Variants in CARMIL2 observed in about 807,000 individuals in gnomAD.
CARMIL2 encodes capping protein regulator and myosin 1 linker 2.
Under a neutral mutation model 173.3 loss-of-function variants are expected in CARMIL2, and 96 were observed. That is an observed-to-expected ratio of 0.55 (90% confidence interval 0.47 to 0.66). CARMIL2 has a LOEUF of 0.66. CARMIL2 is among the 30% of genes least tolerant of loss of function. The pLI is 0.00. For missense variants in CARMIL2, 1,771 were observed against 1,906.7 expected (o/e 0.93, Z 1.33); for synonymous variants, 830 against 817.1 (o/e 1.02, Z -0.27).
At position 67,651,265 on chromosome 16, in the gene CARMIL2, G is replaced by T. The variant is rs372182646; in HGVS notation, c.2263G>T (p.Ala755Ser). ...GCGAGPQGEA[A>S]VRQAEDAIQN... The stretch of plus-strand genomic sequence containing the variant: ...TGGGGCTGGGCCCCAGGGTGAAGCC[G>T]CTGTGCGCCAGGCCGAGGATGCCAT... The change falls in exon 23 of 38, where the codon GCT (alanine) becomes TCT (serine). Residue 755 changes from alanine (A) to serine (S), a missense_variant. Ala to Ser is a moderately conservative substitution (Grantham distance 99). Coordinates refer to ENST00000334583, the MANE Select transcript of CARMIL2 (RefSeq NM_001013838.3). This position sits in a 1 kb window ranked among gnomAD's most constrained non-coding sequence, Gnocchi z 4.2. 6.2e-7 allele frequency: 1 copy of T among 1,613,532 alleles called. No individual in the cohort carries two copies. The highest frequency in any genetic ancestry group is 1.7e-5 in the Admixed American group (1 of 60,016).
rs772901266 is a variant in CARMIL2 at position 67,653,006 on chromosome 16, G to C, written c.2885-13G>C. 8.3e-4 allele frequency: 1,047 copies of C among 1,259,488 alleles called. 3 individuals carry two copies. The highest frequency in any genetic ancestry group is 8.0e-3 in the Middle Eastern group (25 of 3,112). 78.0% of individuals were successfully genotyped at this position (1,259,488 alleles called of 1,614,324 possible). On this transcript the variant is annotated splice_polypyrimidine_tract_variant and intron_variant, in intron 28 of 37. Transcript: ENST00000334583. This position sits in a 1 kb window ranked among gnomAD's most constrained non-coding sequence, Gnocchi z 7.4. ...GCTCGGCGCTCGGTGCTCTTCTGGT[G>C]CTGTCCCCTCAGGTGCTGCTGAGGA...
In CARMIL2 at chr16:67,651,322, A is replaced by G. The variant is rs375266253; in HGVS notation, c.2313+7A>G. On this transcript the variant is annotated splice_region_variant and intron_variant, in intron 23 of 37. Coordinates refer to ENST00000334583, the MANE Select transcript of CARMIL2 (RefSeq NM_001013838.3). This position sits in a 1 kb window ranked among gnomAD's most constrained non-coding sequence, Gnocchi z 4.2. ...TGCCAACTTCTCTCTCAGCGTGAGC[A>G]CTCCCCCTCCTGCTACAAGGACCCT... is the stretch of plus-strand genomic sequence containing the variant. The G allele has an allele frequency of 5.6e-5, 91 of 1,612,238 alleles. No homozygotes were observed. The highest frequency in any genetic ancestry group is 1.6e-4 in the Middle Eastern group (1 of 6,078).
rs755957008 is a variant in CARMIL2 at position 67,646,973 on chromosome 16, G to A, written c.611G>A (p.Arg204Gln). The part of the protein sequence containing the change: ...SLGDFSHLGS[R>Q]DLALSVAALS... ...GGAGACTTCAGCCACCTCGGCAGTC[G>A]GTGTGTGGCCTGCCAGGATGGGAGA... Residue 204 changes from arginine (R) to glutamine (Q), a missense_variant and splice_region_variant, in exon 8 of 38, where the codon CGG (arginine) becomes CAG (glutamine). Physicochemically the swap from Arg to Gln is conservative, Grantham distance 43 (BLOSUM62 1). Around this residue, in one of 3 missense-constraint regions of CARMIL2, gnomAD observed 944 missense variants for 975.6 expected, o/e 0.97. Transcript: ENST00000334583. The surrounding 1 kb of genome is among the most constrained non-coding windows in gnomAD (Gnocchi z 4.6). 8 of 1,612,858 alleles carry A rather than the reference G, an allele frequency of 5.0e-6. No individual in the cohort carries two copies. The highest frequency in any genetic ancestry group is 2.7e-5 in the African/African-American group (2 of 74,928).
At position 67,652,511 on chromosome 16, in the gene CARMIL2, G is replaced by A. The variant is rs772703231; in HGVS notation, c.2857G>A (p.Gly953Ser). ...ACAGAAATGGCCTGAGCTCAGCCAC[G>A]GTCTTCACCTGGTCCCCTTCATTCA... The part of the protein sequence containing the change: ...PPQKWPELSH[G>S]LHLVPFIHSA... Residue 953 changes from glycine to serine, a missense_variant, in exon 28 of 38, where the codon GGT becomes AGT. Gly to Ser is a moderately conservative substitution (Grantham distance 56, BLOSUM62 0). Coordinates refer to ENST00000334583, the MANE Select transcript of CARMIL2 (RefSeq NM_001013838.3). The surrounding 1 kb of genome is among the most constrained non-coding windows in gnomAD (Gnocchi z 4.7). 2.5e-5 allele frequency: 41 copies of A among 1,613,444 alleles called. No homozygotes were observed. Among genetic ancestry groups the A allele is most frequent in the Non-Finnish European group, 1.0e-5 (12 of 1,179,796 alleles).
Position 67,650,056 on chromosome 16 carries a change from C to G in CARMIL2, c.2090C>G (p.Ala697Gly). 1 of 1,613,860 alleles carries G rather than the reference C, an allele frequency of 6.2e-7. No homozygotes were observed. Among genetic ancestry groups the G allele is most frequent in the South Asian group, 1.1e-5 (1 of 91,070 alleles). The change falls in exon 22 of 38, where the codon GCC (alanine) becomes GGC (glycine). Residue 697 changes from alanine (A) to glycine (G), a missense_variant. Physicochemically the swap from Ala to Gly is moderately conservative, Grantham distance 60 (BLOSUM62 0). This residue lies in a region of CARMIL2 where 944 missense variants were observed against 975.6 expected (regional missense o/e 0.97). Coordinates refer to ENST00000334583, the MANE Select transcript of CARMIL2 (RefSeq NM_001013838.3). ...AATACCCCTTGCCCCTAGATCCAAGCCTGTCTCTTGAGGAACAACCGCGCA... is the reference window on the plus strand; with the variant it reads ...AATACCCCTTGCCCCTAGATCCAAGGCTGTCTCTTGAGGAACAACCGCGCA... ...LTARAVHQIQ[A>G]CLLRNNRADP...
rs1428173298 is a variant in CARMIL2, at chr16:67,647,568, G to A, written c.837G>A (p.Glu279=). 1.2e-6 allele frequency: 2 copies of A among 1,610,994 alleles called. No homozygotes were observed. Among genetic ancestry groups the A allele is most frequent in the South Asian group, 2.2e-5 (2 of 90,492 alleles). The change falls in exon 11 of 38, where the codon GAG becomes GAA. Residue 279 remains glutamate (E), a synonymous_variant. Transcript: ENST00000334583. ...LAGHSSSGLR[E]LSLAGNLLDD... ...GACACTCAAGCTCTGGGCTGCGGGAGCTCAGCCTCGCGGGGAACCTGCTGG... is the reference window on the plus strand; with the variant it reads ...GACACTCAAGCTCTGGGCTGCGGGAACTCAGCCTCGCGGGGAACCTGCTGG...
At chr16:67,654,090 G>T (rs868437447) in intron 29 of CARMIL2, 59 bp from the exon 30 acceptor site, 44 of 1,105,328 alleles carry the variant, frequency 4.0e-5, no homozygotes, top group Admixed American at 9.3e-5. Flanking sequence ...CGGGGGGGGG[G>T]GGGGGTAGAA....
Position 67,649,582 on chromosome 16 carries a change from T to C in CARMIL2, c.1882T>C (p.Leu628=). 1 of 1,601,180 alleles carries C rather than the reference T, an allele frequency of 6.2e-7. No homozygotes were observed. Among genetic ancestry groups the C allele is most frequent in the South Asian group, 1.1e-5 (1 of 91,046 alleles). The change falls in exon 20 of 38, where the codon TTG becomes CTG. Residue 628 remains leucine (L), a synonymous_variant. Transcript: ENST00000334583. The surrounding 1 kb of genome is among the most constrained non-coding windows in gnomAD (Gnocchi z 6.7). The part of the protein sequence containing the change: ...GNAMGDAGAK[L]LAKALRVNSR... ...CGCCATGGGGGACGCGGGCGCCAAG[T>C]TGCTGGCCAAGGCGCTGCGGGTCAA...
In CARMIL2 at chr16:67,646,681, C is replaced by T. The variant is rs1188882098; in HGVS notation, c.467-33C>T. On this transcript the variant is annotated intron_variant, in intron 6 of 37. Transcript: ENST00000334583. The surrounding 1 kb of genome is among the most constrained non-coding windows in gnomAD (Gnocchi z 4.6). ...CCATCGCTGATGTTTTGTCTCTCTC[C>T]TTTTCCACATCGCACCCCTATCCCC... The T allele has an allele frequency of 1.2e-6, 2 of 1,610,636 alleles. No individual in the cohort carries two copies. Among genetic ancestry groups the T allele is most frequent in the East Asian group, 4.5e-5 (2 of 44,884 alleles).
rs775628676 is a variant in CARMIL2, at chr16:67,650,161, C to T, written c.2184+11C>T. 6.2e-7 allele frequency: 1 copy of T among 1,603,156 alleles called. No homozygotes were observed. Among genetic ancestry groups the T allele is most frequent in the Non-Finnish European group, 8.5e-7 (1 of 1,175,046 alleles). The stretch of plus-strand genomic sequence containing the variant: ...GACCCCTCAGAGCAGGTCAATGTCC[C>T]CTCCCCAACCACGAGAGGTAGGGCA... On this transcript the variant is annotated intron_variant, in intron 22 of 37. Transcript: ENST00000334583.
chr16:67,646,266 C>T lies in CARMIL2; in HGVS notation c.330C>T (p.His110=), dbSNP rs369216701. The T allele has an allele frequency of 3.7e-5, 60 of 1,613,600 alleles. No individual in the cohort carries two copies. Among genetic ancestry groups the T allele is most frequent in the East Asian group, 4.5e-5 (2 of 44,886 alleles). The change falls in exon 5 of 38, where the codon CAC becomes CAT. Residue 110 remains histidine (H), a synonymous_variant. Coordinates refer to ENST00000334583, the MANE Select transcript of CARMIL2 (RefSeq NM_001013838.3). This position sits in a 1 kb window ranked among gnomAD's most constrained non-coding sequence, Gnocchi z 4.6. ...GVAALEQLAQ[H]VAAAIKKVFP... is the part of the protein sequence containing the mutation. ...CCGCCCTGGAACAGCTGGCCCAGCA[C>T]GTGGCTGCAGCCATCAAGAAGGTCT...
At chr16:67,645,811 C>T in intron 3 of CARMIL2, 34 bp downstream of exon 3, 2 of 1,608,024 alleles carry the variant, frequency 1.2e-6, no homozygotes, top group East Asian at 2.2e-5. Context: ...CCCCCGCCCG[C>T]CAGCAGCTAC....
rs993431475 is a variant in CARMIL2, at chr16:67,646,692, C to T, written c.467-22C>T. ...GTTTTGTCTCTCTCCTTTTCCACATCGCACCCCTATCCCCTCCCCAGGTGG... is the reference window on the plus strand; with the variant it reads ...GTTTTGTCTCTCTCCTTTTCCACATTGCACCCCTATCCCCTCCCCAGGTGG... On this transcript the variant is annotated intron_variant, in intron 6 of 37. Transcript: ENST00000334583. This position sits in a 1 kb window ranked among gnomAD's most constrained non-coding sequence, Gnocchi z 4.6. The T allele has an allele frequency of 1.9e-6, 3 of 1,612,464 alleles. No homozygotes were observed. The highest frequency in any genetic ancestry group is 1.3e-5 in the African/African-American group (1 of 75,022).
chr16:67,656,253 G>A lies in CARMIL2; in HGVS notation c.3768G>A (p.Glu1256=), dbSNP rs1160400764. 1.2e-6 allele frequency: 2 copies of A among 1,614,026 alleles called. No homozygotes were observed. Among genetic ancestry groups the A allele is most frequent in the East Asian group, 2.2e-5 (1 of 44,888 alleles). The part of the protein sequence containing the change: ...SDGDIMDSST[E]APPISIKSRT... ...GTGACATTATGGACAGTTCCACGGAGGCCCCTCCCATCTCGATCAAGTCCC... is the reference window on the plus strand; with the variant it reads ...GTGACATTATGGACAGTTCCACGGAAGCCCCTCCCATCTCGATCAAGTCCC... The change falls in exon 34 of 38, where the codon GAG becomes GAA. Residue 1256 remains glutamate (E), a synonymous_variant. Transcript: ENST00000334583.
chr16:67,652,536 A>G lies in CARMIL2; in HGVS notation c.2882A>G (p.His961Arg). Residue 961 changes from histidine (H) to arginine (R), a missense_variant and splice_region_variant, in exon 28 of 38, where the codon CAC becomes CGC. His to Arg is a conservative substitution (Grantham distance 29, BLOSUM62 0). Coordinates refer to ENST00000334583, the MANE Select transcript of CARMIL2 (RefSeq NM_001013838.3). This position sits in a 1 kb window ranked among gnomAD's most constrained non-coding sequence, Gnocchi z 4.7. Reference protein sequence around the residue: ...SHGLHLVPFIHSAAEEAEPEP... With the variant: ...SHGLHLVPFIRSAAEEAEPEP... ...GGTCTTCACCTGGTCCCCTTCATTC[A>G]CAGTAAGTCAGGGCCTTGGGGGAGG... The G allele has an allele frequency of 6.2e-7, 1 of 1,613,258 alleles. No individual in the cohort carries two copies. The highest frequency in any genetic ancestry group is 8.5e-7 in the Non-Finnish European group (1 of 1,179,648).
At position 67,650,041 on chromosome 16, in the gene CARMIL2, G is replaced by A; in HGVS notation, c.2083-8G>A. ...CCCTCGGCATTTCTCAATACCCCTT[G>A]CCCCTAGATCCAAGCCTGTCTCTTG... On this transcript the variant is annotated splice_region_variant and splice_polypyrimidine_tract_variant and intron_variant, in intron 21 of 37. Transcript: ENST00000334583. The A allele has an allele frequency of 6.2e-7, 1 of 1,613,678 alleles. No homozygotes were observed. The highest frequency in any genetic ancestry group is 8.5e-7 in the Non-Finnish European group (1 of 1,179,792).
rs1217982469 is a variant in CARMIL2, at chr16:67,649,618, C to T, written c.1918C>T (p.Arg640Trp). ...GGCGCTGCGGGTCAACTCGAGGCTC[C>T]GGTGGGCGGGGTCAGAGGGGTGGGA... ...AKALRVNSRL[R>W]SVVWDRNHTS... Residue 640 changes from arginine to tryptophan, a missense_variant and splice_region_variant, in exon 20 of 38, where the codon CGG becomes TGG. By Grantham distance (101) the Arg-to-Trp change is moderately radical (BLOSUM62 -3). Coordinates refer to ENST00000334583, the MANE Select transcript of CARMIL2 (RefSeq NM_001013838.3). This position sits in a 1 kb window ranked among gnomAD's most constrained non-coding sequence, Gnocchi z 6.7. The T allele has an allele frequency of 1.4e-6, 2 of 1,407,892 alleles. No homozygotes were observed. The highest frequency in any genetic ancestry group is 1.9e-6 in the Non-Finnish European group (2 of 1,043,288). 87.2% of individuals were successfully genotyped at this position (1,407,892 alleles called of 1,614,324 possible).
Position 67,656,502 on chromosome 16 carries a change from C to A in CARMIL2, c.3893C>A (p.Ala1298Glu). 6.2e-7 allele frequency: 1 copy of A among 1,613,098 alleles called. No individual in the cohort carries two copies. Among genetic ancestry groups the A allele is most frequent in the Non-Finnish European group, 8.5e-7 (1 of 1,179,638 alleles). ...AAGACACTGGGGCAGCAGTTGAATG[C>A]GGAGCTCAGGAGCCGTGGTTGGGGC... ...TWKTLGQQLN[A>E]ELRSRGWGQQ... Residue 1298 changes from alanine (A) to glutamate (E), a missense_variant, in exon 35 of 38, where the codon GCG (alanine) becomes GAG (glutamate). By Grantham distance (107) the Ala-to-Glu change is moderately radical. Transcript: ENST00000334583.
Position 67,646,951 on chromosome 16 carries a change from G to C in CARMIL2, c.589G>C (p.Asp197His), listed in dbSNP as rs759719206. The part of the protein sequence containing the change: ...RQGCRHFSLG[D>H]FSHLGSRDLA... ...GGGCTGCCGCCATTTCAGCCTGGGA[G>C]ACTTCAGCCACCTCGGCAGTCGGTG... The change falls in exon 8 of 38, where the codon GAC (aspartate) becomes CAC (histidine). Residue 197 changes from aspartate (D) to histidine (H), a missense_variant. Physicochemically the swap from Asp to His is moderately conservative, Grantham distance 81. Coordinates refer to ENST00000334583, the MANE Select transcript of CARMIL2 (RefSeq NM_001013838.3). This position sits in a 1 kb window ranked among gnomAD's most constrained non-coding sequence, Gnocchi z 4.6. The C allele has an allele frequency of 6.2e-7, 1 of 1,613,600 alleles. No individual in the cohort carries two copies. The highest frequency in any genetic ancestry group is 2.2e-5 in the East Asian group (1 of 44,870).
Sources: allele counts gnomAD v4.1 joint callset, GRCh38; gene constraint gnomAD v4.1.1; regional missense constraint gnomAD v4.1.1; non-coding constraint Gnocchi (gnomAD v3.1); transcripts MANE v1.5; gene names NCBI Gene and HGNC (gene_info 2026-07-23, HGNC 2026-07-21).